Variants in ATP9B observed in about 807,000 individuals in gnomAD.
The protein encoded by ATP9B is probable phospholipid-transporting ATPase IIB.
In ATP9B, 110 loss-of-function variants were observed where a neutral mutation model predicts 146.1. The ratio of observed to expected loss-of-function variants is 0.75; its 90% CI spans 0.65 to 0.88. The LOEUF (loss-of-function observed/expected upper bound fraction) is 0.88. Among genes scored for constraint, ATP9B ranks in the 40% least tolerant of loss-of-function variants. ATP9B has a pLI of 0.00. For synonymous variants in ATP9B, 604 were observed against 569.7 expected (o/e 1.06, Z -0.86); for missense variants, 1,499 against 1,496.4 (o/e 1.00, Z -0.03).
intron 1 of ATP9B, among the ~76,000 whole-genome samples, chr18:79,094,420 T>C (rs1456739338): frequency 2.0e-5 from 3 of 152,142 alleles, no homozygotes; most frequent in Admixed American, 2.0e-4. Context: ...TTTTAGCTGT[T>C]CGTGTTGTTG....
At chr18:79,238,855 C>T (rs570702141) in intron 11 of ATP9B, among the ~76,000 whole-genome samples, 2 of 151,444 alleles carry the variant, frequency 1.3e-5, no homozygotes, top group Admixed American at 6.6e-5. Context: ...GTGACGCGGA[C>T]GCAGTGAAGC....
intron 13 of ATP9B, among the ~76,000 whole-genome samples, chr18:79,291,777 ATTTG>A (rs2096505682): frequency 6.6e-6 from 1 of 152,240 alleles, no homozygotes; most frequent in African/African-American, 2.4e-5. Flanking sequence ...GATACCACGC[ATTTG>A]TTTAATTCAA....
intron 6 of ATP9B, 48 bp downstream of exon 6, chr18:79,143,908 A>G (rs766479750): frequency 4.3e-6 from 5 of 1,171,686 alleles, no homozygotes; most frequent in Non-Finnish European, 6.0e-6. Flanking sequence ...CTAGTTATTA[A>G]TGTTTAGCCT....
chr18:79,124,647 C>T (rs149867945), intron 4 of ATP9B, among the ~76,000 whole-genome samples: 22 of 152,318 alleles, frequency 1.4e-4, no homozygotes, highest in African/African-American at 5.3e-4. Flanking sequence ...TCATAGTTCC[C>T]TGGTGTTGAA....
At chr18:79,156,137 A>G (rs1335030648) in intron 7 of ATP9B, among the ~76,000 whole-genome samples, 1 of 152,176 alleles carries the variant, frequency 6.6e-6, no homozygotes, top group Non-Finnish European at 1.5e-5. Flanking sequence ...TTAACGGGAG[A>G]TCAGCTCTAC....
intron 7 of ATP9B, among the ~76,000 whole-genome samples, chr18:79,158,139 C>G (rs1406278806): frequency 6.6e-6 from 1 of 152,120 alleles, no homozygotes; most frequent in Non-Finnish European, 1.5e-5. Context: ...GTGTTCATAA[C>G]TACAAATTTC....
intron 26 of ATP9B, among the ~76,000 whole-genome samples, chr18:79,368,719 G>C (rs1439116752): frequency 6.6e-6 from 1 of 152,090 alleles, no homozygotes; most frequent in Non-Finnish European, 1.5e-5. Flanking sequence ...AGAAATAAAA[G>C]TGACAGTGGA....
intron 11 of ATP9B, among the ~76,000 whole-genome samples, chr18:79,217,095 C>G (rs2095634080): frequency 6.6e-6 from 1 of 152,240 alleles, no homozygotes; most frequent in Admixed American, 6.5e-5. Flanking sequence ...AGGCATGGAG[C>G]CGTGACACGT....
intron 28 of ATP9B, among the ~76,000 whole-genome samples, chr18:79,375,044 A>C (rs1164990841): frequency 6.6e-6 from 1 of 152,228 alleles, no homozygotes. Flanking sequence ...ATACATGTGA[A>C]TGAATGTGCA....
intron 15 of ATP9B, among the ~76,000 whole-genome samples, chr18:79,327,972 C>T (rs1428867132): frequency 2.7e-5 from 3 of 109,890 alleles, no homozygotes; most frequent in African/African-American, 3.5e-5. Flanking sequence ...CCGTGGTTAG[C>T]GTGCTCTCTC....
At chr18:79,346,812 C>T (rs893067272) in intron 23 of ATP9B, among the ~76,000 whole-genome samples, 10 of 152,228 alleles carry the variant, frequency 6.6e-5, no homozygotes, top group African/African-American at 2.2e-4. Context: ...ACTTGGTCAA[C>T]ACGTGTGGTC....
intron 1 of ATP9B, chr18:79,087,371 A>G (rs750649501): frequency 2.0e-5 from 3 of 152,232 alleles, no homozygotes; most frequent in African/African-American, 4.8e-5. Context: ...CTTTGCTGCT[A>G]TTGGAGGGAG....
chr18:79,373,675 G>A (rs1407295790), intron 27 of ATP9B, among the ~76,000 whole-genome samples: 2 of 152,118 alleles, frequency 1.3e-5, no homozygotes, highest in African/African-American at 2.4e-5. Context: ...ATCTTTAGTA[G>A]AGATGGGGTT....
At chr18:79,085,042 G>A (rs2073677114) in intron 1 of ATP9B, 1 of 151,712 alleles carries the variant, frequency 6.6e-6, no homozygotes, top group African/African-American at 2.4e-5. Flanking sequence ...TCGTGCTTCT[G>A]TAAGCTTTTA....
intron 26 of ATP9B, among the ~76,000 whole-genome samples, chr18:79,365,918 C>T (rs1233700158): frequency 4.0e-5 from 6 of 151,224 alleles, no homozygotes; most frequent in Non-Finnish European, 7.4e-5. Flanking sequence ...AGGACATCTC[C>T]GTGGACAGGG....
chr18:79,152,093 T>A (rs896956731), intron 6 of ATP9B, among the ~76,000 whole-genome samples: 19 of 152,194 alleles, frequency 1.2e-4, no homozygotes, highest in African/African-American at 4.3e-4. Flanking sequence ...TCATTGGTCA[T>A]TAGAGAAAAG....
At chr18:79,299,354 G>A (rs2096574651) in intron 13 of ATP9B, among the ~76,000 whole-genome samples, 1 of 152,094 alleles carries the variant, frequency 6.6e-6, no homozygotes, top group African/African-American at 2.4e-5. Flanking sequence ...ACAGGCATTT[G>A]TCTTTGCTCC....
intron 15 of ATP9B, among the ~76,000 whole-genome samples, chr18:79,316,311 A>G (rs2096679646): frequency 6.6e-6 from 1 of 152,144 alleles, no homozygotes; most frequent in South Asian, 2.1e-4. Context: ...GAAAACAGGG[A>G]AAAATGTCCA....
intron 11 of ATP9B, among the ~76,000 whole-genome samples, chr18:79,218,386 T>C (rs1478980390): frequency 6.6e-6 from 1 of 151,406 alleles, no homozygotes; most frequent in Admixed American, 6.6e-5. Context: ...TGGTGTTCCA[T>C]GCCTGGCACA....
Sources: gnomAD v4.1 joint callset for allele counts (sites outside exome capture counted in the v4.1 genomes callset) on GRCh38, gnomAD v4.1.1 for gene constraint, MANE v1.5 for transcripts, NCBI Gene and HGNC (gene_info 2026-07-23, HGNC 2026-07-21) for gene names.